CFAP20DC: variants seen among roughly 807,000 people sequenced by gnomAD.
CFAP20DC encodes protein CFAP20DC.
In CFAP20DC, 84 loss-of-function variants were observed where a neutral mutation model predicts 101.7. That is an observed-to-expected ratio of 0.83 (90% CI 0.69 to 0.99). CFAP20DC has a LOEUF of 0.99. Ranked by LOEUF, CFAP20DC falls within the 50% of genes least tolerant of loss-of-function variation. The pLI is 0.00. For synonymous variants in CFAP20DC, 359 were observed against 351.2 expected, an observed-to-expected ratio of 1.02 and a Z score of -0.25; for missense variants, 1,007 against 970.3, an observed-to-expected ratio of 1.04 and a Z score of -0.50.
intron 5 of CFAP20DC, among the ~76,000 whole-genome samples, chr3:58,934,415 C>T (rs1250863496): frequency 1.3e-5 from 2 of 152,276 alleles, no homozygotes; most frequent in Admixed American, 6.5e-5. Flanking sequence ...CTCCCTAACT[C>T]ATTTTATGAG....
chr3:58,786,303 A>C (rs1228803630), intron 15 of CFAP20DC, among the ~76,000 whole-genome samples: 1 of 152,142 alleles, frequency 6.6e-6, no homozygotes, highest in Non-Finnish European at 1.5e-5. Context: ...TATTCACAAG[A>C]GTGGTATCAA....
chr3:58,751,414 T>C (rs1380708812), intron 16 of CFAP20DC, among the ~76,000 whole-genome samples: 1 of 152,160 alleles, frequency 6.6e-6, no homozygotes, highest in Non-Finnish European at 1.5e-5. Flanking sequence ...CCAACGATCC[T>C]ACCCTTCATT....
At chr3:58,754,014 T>C (rs2068753453) in intron 15 of CFAP20DC, 151 bp from the exon 16 acceptor site, 1 of 586,874 alleles carries the variant, frequency 1.7e-6, no homozygotes, top group South Asian at 2.5e-5. Flanking sequence ...GATATCAATA[T>C]CCAGTTTTGT....
Position 58,849,396 on chromosome 3 carries a change from A to T in CFAP20DC, c.1607T>A (p.Ile536Asn). ...AGTTGTTGGGCCTCGAGAACCCTGG[A>T]TACTGTGGTTACCCTATGTTGGGGA... ...GDSSEEGNHSIQGSRGPTTGP... is the reference protein window; with the variant it reads ...GDSSEEGNHSNQGSRGPTTGP... Residue 536 changes from isoleucine (I) to asparagine (N), a missense_variant, in exon 13 of 17, where the codon ATC becomes AAC. By Grantham distance (149) the Ile-to-Asn change is moderately radical. Transcript: ENST00000482387. 1.3e-6 allele frequency: 2 copies of T among 1,529,230 alleles called. No homozygotes were observed. Among genetic ancestry groups the T allele is most frequent in the South Asian group, 2.4e-5 (2 of 82,284 alleles). The allele number at this position is 1,529,230 out of a possible 1,614,324, so 94.7% of individuals were successfully genotyped here.
Position 59,006,172 on chromosome 3 carries a change from GA to G in CFAP20DC, c.278+33384del, listed in dbSNP as rs2093429432. Among the ~76,000 whole-genome samples the G allele has an allele frequency of 1.3e-5, 2 of 152,074 alleles. No homozygotes were observed. The highest frequency in any genetic ancestry group is 2.9e-5 in the Non-Finnish European group (2 of 68,016). Reference sequence around the variant, plus strand: ...GGATGGATGGACGGGGAGGAGGGGCGAATAGGTTAGAATGTAGACAGTGGCA... The same window carrying G: ...GGATGGATGGACGGGGAGGAGGGGCGATAGGTTAGAATGTAGACAGTGGCA... On this transcript the variant is annotated intron_variant, in intron 4 of 16. Transcript: ENST00000482387. The surrounding 1 kb of genome is among the most constrained non-coding windows in gnomAD (Gnocchi z 4.3).
intron 15 of CFAP20DC, among the ~76,000 whole-genome samples, chr3:58,768,433 G>A (rs1235192486): frequency 6.6e-6 from 1 of 152,154 alleles, no homozygotes; most frequent in Non-Finnish European, 1.5e-5. Context: ...GGTTTAACAC[G>A]AGCGGGAATC....
intron 15 of CFAP20DC, among the ~76,000 whole-genome samples, chr3:58,757,049 T>C (rs889818709): frequency 1.3e-5 from 2 of 152,096 alleles, no homozygotes; most frequent in African/African-American, 2.4e-5. Context: ...TTTGTATACT[T>C]AGAGGTAAAT....
chr3:58,871,250 A>G (rs1042236038), intron 7 of CFAP20DC, among the ~76,000 whole-genome samples: 3 of 152,194 alleles, frequency 2.0e-5, no homozygotes, highest in Non-Finnish European at 2.9e-5. Context: ...AGGGAAGGGC[A>G]GGGTGTACCT....
At position 58,861,253 on chromosome 3, in the gene CFAP20DC, A is replaced by T. The variant is rs1405685337; in HGVS notation, c.1593+2305T>A. On this transcript the variant is annotated intron_variant, in intron 12 of 16. Coordinates refer to ENST00000482387, the MANE Select transcript of CFAP20DC (RefSeq NM_001394063.1). This position sits in a 1 kb window ranked among gnomAD's most constrained non-coding sequence, Gnocchi z 4.0. ...TAACATCAAATAAAGTCTTTTAATTACACTTTATAAACTTCAAGCATAATA... is the reference window on the plus strand; with the variant it reads ...TAACATCAAATAAAGTCTTTTAATTTCACTTTATAAACTTCAAGCATAATA... The T allele has an allele frequency of 1.8e-6, 1 of 564,482 alleles. No individual in the cohort carries two copies. The highest frequency in any genetic ancestry group is 2.2e-6 in the Non-Finnish European group (1 of 445,552). The allele number at this position is 564,482 out of a possible 1,614,324, so 35.0% of individuals were successfully genotyped here.
chr3:58,798,593 T>A (rs926191438), intron 15 of CFAP20DC, among the ~76,000 whole-genome samples: 11 of 152,236 alleles, frequency 7.2e-5, no homozygotes, highest in African/African-American at 2.4e-4. Context: ...AGCAGCAGCA[T>A]GGTTGGGCAA....
intron 4 of CFAP20DC, among the ~76,000 whole-genome samples, chr3:58,961,730 T>C (rs1039827378): frequency 2.0e-5 from 3 of 152,146 alleles, no homozygotes; most frequent in African/African-American, 7.2e-5. Flanking sequence ...ATTTTCTGTT[T>C]TTTTTTTCTT....
chr3:58,911,547 T>C (rs921198618), intron 6 of CFAP20DC, among the ~76,000 whole-genome samples: 1 of 152,140 alleles, frequency 6.6e-6, no homozygotes, highest in Non-Finnish European at 1.5e-5. Flanking sequence ...TTTGTGGTAA[T>C]ACCTCCAGTT....
chr3:58,877,595 G>C (rs141462944), intron 7 of CFAP20DC, among the ~76,000 whole-genome samples: 1 of 152,146 alleles, frequency 6.6e-6, no homozygotes, highest in Non-Finnish European at 1.5e-5. Context: ...TGCTCTGAGC[G>C]GGGGCTCAGA....
rs546938239 is a variant in CFAP20DC at position 58,913,669 on chromosome 3, T to C, written c.550+39A>G. ...AGGTATGGCTAATTTTAAAAATACA[T>C]CAGAGAATTAAAAAATCTTGATAGC... On this transcript the variant is annotated intron_variant, in intron 6 of 16. Transcript: ENST00000482387. The surrounding 1 kb of genome is among the most constrained non-coding windows in gnomAD (Gnocchi z 4.4). 8.0e-5 allele frequency: 128 copies of C among 1,600,750 alleles called. 1 individual carries two copies. In the Middle Eastern group the frequency reaches 1.2e-3, roughly 15 times the overall value.
At chr3:58,809,878 C>T (rs1184119455) in intron 14 of CFAP20DC, among the ~76,000 whole-genome samples, 1 of 152,092 alleles carries the variant, frequency 6.6e-6, no homozygotes, top group Non-Finnish European at 1.5e-5. Context: ...GATATCACCA[C>T]CGATCCCTCA....
intron 4 of CFAP20DC, among the ~76,000 whole-genome samples, chr3:59,012,539 A>C (rs1436199646): frequency 2.0e-5 from 3 of 152,236 alleles, no homozygotes; most frequent in African/African-American, 7.2e-5. Flanking sequence ...AGGAGTGAAG[A>C]CTGGACAAGG....
rs1455966435 is a variant in CFAP20DC, at chr3:58,869,470, G to A, written c.873C>T (p.Ser291=). 1.2e-6 allele frequency: 2 copies of A among 1,610,882 alleles called. No individual in the cohort carries two copies. ...ACGGCTGGCATGATCGGTTATTTTT[G>A]GACCCAACGGATCTCACTGTCTGTA... is the stretch of plus-strand genomic sequence containing the variant. The part of the protein sequence containing the change: ...ISSETVRSVG[S]KNNRSCQPST... Residue 291 remains serine, a synonymous_variant, in exon 9 of 17, where the codon TCC becomes TCT. Coordinates refer to ENST00000482387, the MANE Select transcript of CFAP20DC (RefSeq NM_001394063.1). This position sits in a 1 kb window ranked among gnomAD's most constrained non-coding sequence, Gnocchi z 4.3.
chr3:58,989,741 A>C (rs955283498), intron 4 of CFAP20DC, among the ~76,000 whole-genome samples: 5 of 152,324 alleles, frequency 3.3e-5, no homozygotes, highest in African/African-American at 7.2e-5. Flanking sequence ...TATGTAAAAA[A>C]TTTAAATGGC....
At chr3:58,820,553 A>C (rs2075556131) in intron 14 of CFAP20DC, among the ~76,000 whole-genome samples, 1 of 151,826 alleles carries the variant, frequency 6.6e-6, no homozygotes, top group Non-Finnish European at 1.5e-5. Context: ...ATTGCTTCAA[A>C]GAGAAGAAAA....
Sources: gnomAD v4.1 joint callset for allele counts (sites outside exome capture counted in the v4.1 genomes callset) on GRCh38, gnomAD v4.1.1 for gene constraint, Gnocchi (gnomAD v3.1) non-coding constraint, MANE v1.5 for transcripts, NCBI Gene and HGNC (gene_info 2026-07-23, HGNC 2026-07-21) for gene names.